The following SOX5 variants were observed in gnomAD, a reference collection of about 807,000 sequenced individuals.
The protein encoded by SOX5 is SRY-box transcription factor 5.
SOX5 carries 9 observed loss-of-function variants against 92.0 expected under a neutral mutation model. The observed-to-expected ratio is 0.10, with a 90% CI of 0.06 to 0.17. SOX5 has a LOEUF of 0.17. Ranked by LOEUF, SOX5 falls within the 10% of genes least tolerant of loss-of-function variation. The probability of loss-of-function intolerance (pLI) is 1.00; values close to 1 mark genes in which losing one functional copy is unlikely to be tolerated. For synonymous variants in SOX5, 344 were observed against 336.3 expected (o/e 1.02, Z -0.25); for missense variants, 642 against 944.5 (o/e 0.68, Z 4.20).
intron 11 of SOX5, among the ~76,000 whole-genome samples, chr12:23,550,185 T>C (rs1427721139): frequency 6.6e-6 from 1 of 151,914 alleles, no homozygotes; most frequent in Admixed American, 6.6e-5. Context: ...TCAGTATCAA[T>C]TCATACTTCT....
intron 3 of SOX5, among the ~76,000 whole-genome samples, chr12:23,792,831 C>T (rs936690578): frequency 9.9e-5 from 15 of 151,814 alleles, no homozygotes; most frequent in African/African-American, 3.4e-4. Context: ...GCTTTCTTTT[C>T]AAAAAATATT....
At chr12:24,503,186 C>CA (rs61240012) in intron 1 of SOX5, among the ~76,000 whole-genome samples, 2,382 of 151,784 alleles carry the variant, frequency 0.016, 27 homozygotes, top group Middle Eastern at 0.054. Flanking sequence ...ACAAAGCATA[C>CA]AAAAAAAAGT....
chr12:23,831,043 C>A (rs1362036134), intron 3 of SOX5, among the ~76,000 whole-genome samples: 1 of 151,960 alleles, frequency 6.6e-6, no homozygotes, highest in Non-Finnish European at 1.5e-5. Context: ...GCTAATAATA[C>A]CTTCTTTAGC....
chr12:24,070,748 A>G (rs1022389804), intron 4 of SOX5, among the ~76,000 whole-genome samples: 1 of 152,198 alleles, frequency 6.6e-6, no homozygotes, highest in African/African-American at 2.4e-5. Flanking sequence ...TCAGTAAAAT[A>G]AAAGAATCTT....
intron 1 of SOX5, among the ~76,000 whole-genome samples, chr12:23,948,582 C>A (rs1367072379): frequency 6.6e-6 from 1 of 151,140 alleles, no homozygotes; most frequent in African/African-American, 2.4e-5. Context: ...GGGTATCATG[C>A]ATCCTGGCTT....
intron 2 of SOX5, among the ~76,000 whole-genome samples, chr12:24,339,573 G>C (rs1221495841): frequency 1.3e-5 from 2 of 152,182 alleles, no homozygotes; most frequent in Admixed American, 1.3e-4. Context: ...CTGTAGAAGA[G>C]AGAATCAAAT....
At chr12:23,664,351 TG>T (rs1319526483) in intron 7 of SOX5, among the ~76,000 whole-genome samples, 1 of 150,242 alleles carries the variant, frequency 6.7e-6, no homozygotes, top group Non-Finnish European at 1.5e-5. Context: ...CAAAATGCAC[TG>T]GAATTTAAAA....
chr12:24,346,877 G>A (rs768590331), intron 2 of SOX5, among the ~76,000 whole-genome samples: 15 of 151,996 alleles, frequency 9.9e-5, no homozygotes, highest in Non-Finnish European at 1.6e-4. Context: ...AGGGCCTGTC[G>A]TGGGGTGGGG....
intron 4 of SOX5, among the ~76,000 whole-genome samples, chr12:24,007,814 CACACACACAT>C (rs145321440): frequency 0.1 from 8,983 of 88,974 alleles, 1,011 homozygotes; most frequent in Non-Finnish European, 0.16. Flanking sequence ...CACACACACA[CACACACACAT>C]ATATATATAT....
chr12:24,348,574 T>C (rs1358642229), intron 2 of SOX5, among the ~76,000 whole-genome samples: 2 of 151,770 alleles, frequency 1.3e-5, no homozygotes, highest in Non-Finnish European at 2.9e-5. Flanking sequence ...GTAGAGGCGG[T>C]GTTTCACCAT....
chr12:24,484,573 T>C (rs1284115293), intron 1 of SOX5, among the ~76,000 whole-genome samples: 1 of 152,152 alleles, frequency 6.6e-6, no homozygotes, highest in East Asian at 1.9e-4. Flanking sequence ...GGGTTTGTGT[T>C]CGTGTGTGTT....
At chr12:23,893,601 C>T (rs1302907946) in intron 2 of SOX5, among the ~76,000 whole-genome samples, 1 of 152,116 alleles carries the variant, frequency 6.6e-6, no homozygotes, top group Non-Finnish European at 1.5e-5. Flanking sequence ...TTCTGGTATT[C>T]TTCTAGTCAT....
At chr12:24,013,761 T>G (rs1404996346) in intron 4 of SOX5, among the ~76,000 whole-genome samples, 1 of 152,218 alleles carries the variant, frequency 6.6e-6, no homozygotes, top group East Asian at 1.9e-4. Context: ...GCTTATTATT[T>G]TTATCCATAA....
intron 4 of SOX5, among the ~76,000 whole-genome samples, chr12:23,746,164 A>G (rs565150960): frequency 1.6e-4 from 24 of 152,254 alleles, no homozygotes; most frequent in African/African-American, 5.5e-4. Context: ...CACATTCTTC[A>G]TGATCATCCC....
chr12:23,693,230 T>A (rs1344554757), intron 6 of SOX5, among the ~76,000 whole-genome samples: 1 of 152,090 alleles, frequency 6.6e-6, no homozygotes, highest in Non-Finnish European at 1.5e-5. Flanking sequence ...TTCAAGCAAT[T>A]TTCGTGCCTC....
chr12:23,948,678 C>CA (rs1569207966), intron 1 of SOX5, among the ~76,000 whole-genome samples: 2 of 150,132 alleles, frequency 1.3e-5, no homozygotes, highest in Non-Finnish European at 3.0e-5. Flanking sequence ...ATTTATAGTT[C>CA]AAAAAAATGA....
chr12:24,355,232 A>G (rs2141206381), intron 2 of SOX5, among the ~76,000 whole-genome samples: 1 of 145,480 alleles, frequency 6.9e-6, no homozygotes, highest in African/African-American at 2.6e-5. Context: ...CCAGCTCATC[A>G]CCAATATCAC....
chr12:24,505,373 T>C (rs1341104259), intron 1 of SOX5, among the ~76,000 whole-genome samples: 1 of 152,034 alleles, frequency 6.6e-6, no homozygotes. Flanking sequence ...AGAGAAGAGA[T>C]GTGATGGAAA....
rs1023249053 is a variant in SOX5 at position 23,755,739 on chromosome 12, A to C, written c.482-15T>G. On this transcript the variant is annotated splice_polypyrimidine_tract_variant and intron_variant, in intron 3 of 14. Coordinates refer to ENST00000451604, the MANE Select transcript of SOX5 (RefSeq NM_006940.6). ...ACTGGGGGTTTCTAAGTAAAGAAAA[A>C]AAGAAGTGAGCAAATCAACATGACT... is the stretch of plus-strand genomic sequence containing the variant. 6.6e-7 allele frequency: 1 copy of C among 1,505,836 alleles called. No homozygotes were observed. Among genetic ancestry groups the C allele is most frequent in the Non-Finnish European group, 9.0e-7 (1 of 1,112,814 alleles). 93.3% of individuals were successfully genotyped at this position (1,505,836 alleles called of 1,614,324 possible). A position where few individuals can be genotyped will look rare whatever the true frequency, so the allele number is the denominator to read the frequency against.
Sources: gnomAD v4.1 joint callset for allele counts (sites outside exome capture counted in the v4.1 genomes callset) on GRCh38, gnomAD v4.1.1 for gene constraint, MANE v1.5 for transcripts, NCBI Gene and HGNC (gene_info 2026-07-23, HGNC 2026-07-21) for gene names.